Variants in SYNJ1 observed in about 807,000 individuals in gnomAD.
SYNJ1 encodes the protein polyphosphatidylinositol phosphatase SYNJ1.
In SYNJ1, 78 loss-of-function variants were observed where a neutral mutation model predicts 168.2. The ratio of observed to expected loss-of-function variants is 0.46; its 90% confidence interval spans 0.39 to 0.56. SYNJ1 has a LOEUF of 0.56. Ranked by LOEUF, SYNJ1 falls within the 20% of genes least tolerant of loss-of-function variation. The pLI is 0.00. For missense variants in SYNJ1, 1,303 were observed against 1,597.6 expected (o/e 0.82, Z 3.14); for synonymous variants, 539 against 548.6 (o/e 0.98, Z 0.24).
chr21:32,684,384 A>G (rs527689712), intron 9 of SYNJ1, among the ~76,000 whole-genome samples: 41 of 152,356 alleles, frequency 2.7e-4, no homozygotes, highest in Admixed American at 7.2e-4. Flanking sequence ...ATTAGAAACT[A>G]AATATACATT....
At chr21:32,704,173 T>G (rs545955333) in intron 2 of SYNJ1, among the ~76,000 whole-genome samples, 1 of 152,240 alleles carries the variant, frequency 6.6e-6, no homozygotes, top group African/African-American at 2.4e-5. Flanking sequence ...CTCTCAGGAC[T>G]GATGAAGGCC....
At chr21:32,713,028 A>G (rs1434377628) in intron 2 of SYNJ1, among the ~76,000 whole-genome samples, 1 of 152,272 alleles carries the variant, frequency 6.6e-6, no homozygotes, top group Non-Finnish European at 1.5e-5. Context: ...AATAAAGCAA[A>G]TGTCAACAAA....
At chr21:32,642,214 C>T in intron 27 of SYNJ1, 81 bp from the exon 28 acceptor site, 1 of 1,513,526 alleles carries the variant, frequency 6.6e-7, no homozygotes, top group South Asian at 1.1e-5. Flanking sequence ...TGCTGTTCTG[C>T]TTCATTACCA....
At chr21:32,662,052 C>T (rs1198849294) in intron 18 of SYNJ1, among the ~76,000 whole-genome samples, 17 of 152,258 alleles carry the variant, frequency 1.1e-4, no homozygotes, top group Middle Eastern at 3.4e-3. Flanking sequence ...ACCACCCCCA[C>T]GGCTGTAAAG....
intron 18 of SYNJ1, among the ~76,000 whole-genome samples, chr21:32,659,845 G>A (rs1448114568): frequency 6.6e-6 from 1 of 152,156 alleles, no homozygotes; most frequent in Non-Finnish European, 1.5e-5. Context: ...TTCCCCGACC[G>A]GGAAGTGAGG....
Position 32,634,904 on chromosome 21 carries a change from C to A in SYNJ1, c.3916-20G>T. The A allele has an allele frequency of 6.2e-7, 1 of 1,613,538 alleles. No individual in the cohort carries two copies. Among genetic ancestry groups the A allele is most frequent in the Non-Finnish European group, 8.5e-7 (1 of 1,179,768 alleles). The stretch of plus-strand genomic sequence containing the variant: ...CTCCTGCTTTGAGAAAGGAAACAGA[C>A]ATCAAAGGAAAGAGTTAGGAGGACA... On this transcript the variant is annotated intron_variant, in intron 31 of 32. Transcript: ENST00000674351.
chr21:32,632,529 G>T (rs2039378830), intron 32 of SYNJ1, among the ~76,000 whole-genome samples: 1 of 152,064 alleles, frequency 6.6e-6, no homozygotes, highest in Non-Finnish European at 1.5e-5. Context: ...GGGACTACAG[G>T]CGTGTGCCAC....
chr21:32,652,040 T>C (rs1203597461), intron 22 of SYNJ1, among the ~76,000 whole-genome samples: 1 of 152,200 alleles, frequency 6.6e-6, no homozygotes, highest in African/African-American at 2.4e-5. Flanking sequence ...ATATTAAGGT[T>C]AAGAGAAATT....
rs963786874 is a variant in SYNJ1 at position 32,646,456 on chromosome 21, G to A, written c.3184C>T (p.Pro1062Ser). The change falls in exon 24 of 33, where the codon CCT (proline) becomes TCT (serine). Residue 1062 changes from proline (P) to serine (S), a missense_variant. By Grantham distance (74) the Pro-to-Ser change is moderately conservative. Around this residue, in one of 2 missense-constraint regions of SYNJ1, gnomAD observed 383 missense variants for 388.8 expected, o/e 0.99. Transcript: ENST00000674351. ...QSPTISEGPV[P>S]SLPIRPSRAP... The stretch of plus-strand genomic sequence containing the variant: ...CGGCTTGGTCTGATGGGAAGGGAAG[G>A]TACAGGACCCTCTGATATTGTAGGT... 7 of 1,614,196 alleles carry A rather than the reference G, an allele frequency of 4.3e-6. No individual in the cohort carries two copies. The highest frequency in any genetic ancestry group is 1.1e-5 in the South Asian group (1 of 91,082).
intron 18 of SYNJ1, among the ~76,000 whole-genome samples, chr21:32,664,590 C>G (rs2040847992): frequency 1.3e-5 from 2 of 152,090 alleles, no homozygotes; most frequent in African/African-American, 4.8e-5. Flanking sequence ...TCACGACCCT[C>G]TCACATGGAC....
Position 32,642,237 on chromosome 21 carries a change from G to T in SYNJ1, c.3479-104C>A, listed in dbSNP as rs2039873767. 4 of 1,251,672 alleles carry T rather than the reference G, an allele frequency of 3.2e-6. No individual in the cohort carries two copies. The African/African-American group carries it at 4.4e-5, about 14-fold the overall frequency. 77.5% of individuals were successfully genotyped at this position (1,251,672 alleles called of 1,614,324 possible). A position where few individuals can be genotyped will look rare whatever the true frequency, so the allele number is the denominator to read the frequency against. On this transcript the variant is annotated intron_variant, in intron 27 of 32. Coordinates refer to ENST00000674351, the MANE Select transcript of SYNJ1 (RefSeq NM_203446.3). ...TGCTTCATTACCAGCAGAAATGGGG[G>T]CATGAGATGGTAACAAAACAAAGCA...
intron 15 of SYNJ1, among the ~76,000 whole-genome samples, chr21:32,669,204 G>A (rs2041079950): frequency 6.6e-6 from 1 of 151,838 alleles, no homozygotes. Flanking sequence ...TTTTTTTTTG[G>A]AATACAATTT....
chr21:32,676,642 G>A (rs2041421340), intron 12 of SYNJ1, among the ~76,000 whole-genome samples: 1 of 152,116 alleles, frequency 6.6e-6, no homozygotes, highest in East Asian at 1.9e-4. Flanking sequence ...TGTATGTTAT[G>A]CATGCATGCG....
At chr21:32,648,080 C>G (rs1453016208) in intron 23 of SYNJ1, among the ~76,000 whole-genome samples, 2 of 152,172 alleles carry the variant, frequency 1.3e-5, no homozygotes, top group African/African-American at 4.8e-5. Flanking sequence ...ACTTGGGTAT[C>G]TGAGGATGGA....
intron 2 of SYNJ1, among the ~76,000 whole-genome samples, chr21:32,704,879 G>A (rs2042548492): frequency 2.0e-5 from 3 of 152,090 alleles, no homozygotes; most frequent in Admixed American, 2.0e-4. Flanking sequence ...GCCGGGTATG[G>A]TGGCTCACGT....
intron 22 of SYNJ1, among the ~76,000 whole-genome samples, chr21:32,651,265 C>T (rs1374839707): frequency 1.3e-5 from 2 of 152,186 alleles, no homozygotes; most frequent in Non-Finnish European, 2.9e-5. Flanking sequence ...TTGGTATTTG[C>T]AAATGAACTG....
intron 9 of SYNJ1, 90 bp from the exon 10 acceptor site, chr21:32,684,209 C>T (rs550775585): frequency 7.1e-5 from 85 of 1,201,750 alleles, no homozygotes; most frequent in Admixed American, 1.5e-4. Flanking sequence ...ATGTAGCATC[C>T]ACCTTCCCTC....
At chr21:32,723,243 T>C (rs539722800) in intron 2 of SYNJ1, among the ~76,000 whole-genome samples, 1 of 152,386 alleles carries the variant, frequency 6.6e-6, no homozygotes, top group South Asian at 2.1e-4. Context: ...TCTTTTGGTA[T>C]GTGCTAATAG....
rs1313765322 is a variant in SYNJ1, at chr21:32,631,581, A to C, written c.*224T>G. On this transcript the variant is annotated 3_prime_UTR_variant, in exon 33 of 33. Transcript: ENST00000674351. ...TTCCTGGGATTGACTCCGAGCTGGA[A>C]TTGGAGGCATTGTTGGCATGCAACT... The C allele has an allele frequency of 6.2e-7, 1 of 1,613,536 alleles. No homozygotes were observed. The highest frequency in any genetic ancestry group is 8.5e-7 in the Non-Finnish European group (1 of 1,180,002).
Sources: gnomAD v4.1 joint callset for allele counts (sites outside exome capture counted in the v4.1 genomes callset) on GRCh38, gnomAD v4.1.1 for gene constraint, gnomAD v4.1.1 regional missense constraint, MANE v1.5 for transcripts, NCBI Gene and HGNC (gene_info 2026-07-23, HGNC 2026-07-21) for gene names.